The following GNAQ variants were observed in gnomAD, a reference collection of about 807,000 sequenced individuals.
GNAQ encodes G protein subunit alpha q.
GNAQ carries 8 observed loss-of-function variants against 43.9 expected under a neutral mutation model. The ratio of observed to expected loss-of-function variants is 0.18; its 90% CI spans 0.11 to 0.33. GNAQ has a LOEUF of 0.33. Ranked by LOEUF, GNAQ falls within the 10% of genes least tolerant of loss-of-function variation. The pLI, the probability that GNAQ is intolerant of heterozygous loss-of-function variation, is 1.00. For missense variants in GNAQ, 158 were observed against 450.8 expected (o/e 0.35, Z 5.88); for synonymous variants, 155 against 170.7 (o/e 0.91, Z 0.71).
At chr9:77,985,334 A>G (rs1823422093) in intron 1 of GNAQ, among the ~76,000 whole-genome samples, 1 of 152,138 alleles carries the variant, frequency 6.6e-6, no homozygotes, top group African/African-American at 2.4e-5. Context: ...CCAACAAACA[A>G]AAGAGTTTGT....
chr9:77,958,039 T>C (rs1429288916), intron 1 of GNAQ, among the ~76,000 whole-genome samples: 1 of 152,204 alleles, frequency 6.6e-6, no homozygotes, highest in Non-Finnish European at 1.5e-5. Flanking sequence ...TTTGCCTTTA[T>C]AAAGGCAATG....
At chr9:78,012,989 T>C (rs1409777676) in intron 1 of GNAQ, among the ~76,000 whole-genome samples, 3 of 152,090 alleles carry the variant, frequency 2.0e-5, no homozygotes, top group Admixed American at 6.5e-5. Context: ...CTAGCAGAGA[T>C]GGACAAAAGA....
At chr9:77,923,431 A>G (rs1203726692) in intron 1 of GNAQ, among the ~76,000 whole-genome samples, 1 of 152,106 alleles carries the variant, frequency 6.6e-6, no homozygotes, top group Non-Finnish European at 1.5e-5. Context: ...CCCCTAACAG[A>G]GCTATATATG....
chr9:77,769,419 A>G (rs1281599413), intron 5 of GNAQ, among the ~76,000 whole-genome samples: 1 of 151,456 alleles, frequency 6.6e-6, no homozygotes, highest in African/African-American at 2.4e-5. Context: ...AAAAAAAGGA[A>G]GAAGAACTAA....
At chr9:77,928,218 T>G (rs1158857813) in intron 1 of GNAQ, among the ~76,000 whole-genome samples, 1 of 152,220 alleles carries the variant, frequency 6.6e-6, no homozygotes, top group African/African-American at 2.4e-5. Flanking sequence ...TAGATTAAAA[T>G]CCTGCATTTG....
At chr9:77,820,729 C>T (rs1465489612) in intron 2 of GNAQ, among the ~76,000 whole-genome samples, 2 of 152,116 alleles carry the variant, frequency 1.3e-5, no homozygotes, top group Non-Finnish European at 2.9e-5. Context: ...ACCACAGTAG[C>T]AAAGAGGAAG....
chr9:77,815,789 G>A lies in GNAQ; in HGVS notation c.322-19C>T, dbSNP rs2118511023. On this transcript the variant is annotated intron_variant, in intron 2 of 6. Transcript: ENST00000286548. ...CATGAGCCTGTTTAAATAAAAAAAG[G>A]CAGTTTTAATACCCTATTACTTTCC... 2 of 1,599,122 alleles carry A rather than the reference G, an allele frequency of 1.3e-6. No homozygotes were observed. Among genetic ancestry groups the A allele is most frequent in the South Asian group, 1.1e-5 (1 of 89,570 alleles).
chr9:77,889,083 C>G (rs891207968), intron 2 of GNAQ, among the ~76,000 whole-genome samples: 2 of 151,998 alleles, frequency 1.3e-5, no homozygotes, highest in African/African-American at 4.8e-5. Flanking sequence ...TTTACTTAGT[C>G]ATGCCATACC....
intron 1 of GNAQ, among the ~76,000 whole-genome samples, chr9:77,942,170 T>C (rs1014663473): frequency 2.6e-5 from 4 of 152,192 alleles, no homozygotes; most frequent in African/African-American, 9.7e-5. Flanking sequence ...ACTTCAAAGA[T>C]GTAACAGAAC....
At chr9:77,996,879 G>T (rs547522829) in intron 1 of GNAQ, among the ~76,000 whole-genome samples, 1 of 152,182 alleles carries the variant, frequency 6.6e-6, no homozygotes, top group Admixed American at 6.5e-5. Flanking sequence ...TGCCACAATT[G>T]TTACTGGTTC....
chr9:77,739,054 A>G (rs1178400520), intron 5 of GNAQ, among the ~76,000 whole-genome samples: 1 of 152,196 alleles, frequency 6.6e-6, no homozygotes, highest in Non-Finnish European at 1.5e-5. Flanking sequence ...GCAAATTTTA[A>G]GGCTCTTGGT....
At chr9:77,734,648 T>C (rs531904908) in intron 5 of GNAQ, among the ~76,000 whole-genome samples, 2 of 152,200 alleles carry the variant, frequency 1.3e-5, no homozygotes, top group South Asian at 4.2e-4. Context: ...AGGTGTTGAG[T>C]GACCTTGAGT....
chr9:77,918,443 T>G (rs994512499), intron 2 of GNAQ, among the ~76,000 whole-genome samples: 5 of 152,014 alleles, frequency 3.3e-5, no homozygotes, highest in Non-Finnish European at 7.4e-5. Flanking sequence ...GTTAATCAAA[T>G]ATACACCAAA....
intron 2 of GNAQ, among the ~76,000 whole-genome samples, chr9:77,892,996 C>T (rs550429542): frequency 2.6e-3 from 397 of 152,208 alleles, no homozygotes; most frequent in Non-Finnish European, 3.5e-3. Flanking sequence ...ATTGTTCCAT[C>T]CATTACTTAA....
At chr9:77,844,582 T>C (rs1218934917) in intron 2 of GNAQ, among the ~76,000 whole-genome samples, 1 of 152,214 alleles carries the variant, frequency 6.6e-6, no homozygotes, top group Non-Finnish European at 1.5e-5. Flanking sequence ...AAATGGAAGA[T>C]GTGAATCAGA....
chr9:77,770,454 AAAC>A (rs1225337525), intron 5 of GNAQ, among the ~76,000 whole-genome samples: 1 of 152,192 alleles, frequency 6.6e-6, no homozygotes, highest in African/African-American at 2.4e-5. Context: ...CCAGAATAAA[AAAC>A]AACAACAAAA....
chr9:77,795,770 TGAAA>T (rs1826647999), intron 4 of GNAQ, among the ~76,000 whole-genome samples: 1 of 152,188 alleles, frequency 6.6e-6, no homozygotes, highest in African/African-American at 2.4e-5. Context: ...CTAATTTACG[TGAAA>T]TCCTCATTCC....
chr9:77,882,968 T>A (rs1161737417), intron 2 of GNAQ, among the ~76,000 whole-genome samples: 1 of 152,208 alleles, frequency 6.6e-6, no homozygotes, highest in Non-Finnish European at 1.5e-5. Context: ...CAAAGCCATG[T>A]CTAAAAGAGT....
intron 5 of GNAQ, among the ~76,000 whole-genome samples, chr9:77,744,785 C>T (rs190707660): frequency 2.0e-5 from 3 of 152,200 alleles, no homozygotes; most frequent in African/African-American, 7.2e-5. Context: ...TGACTCAACA[C>T]TTCTGAAAAA....
Sources: allele counts gnomAD v4.1 joint callset (sites outside exome capture counted in the v4.1 genomes callset), GRCh38; gene constraint gnomAD v4.1.1; transcripts MANE v1.5; gene names NCBI Gene and HGNC (gene_info 2026-07-23, HGNC 2026-07-21).